The following ZNF362 variants were observed in gnomAD, a reference collection of about 807,000 sequenced individuals.
The protein encoded by ZNF362 is rotund homolog.
In ZNF362, 11 loss-of-function variants were observed where a neutral mutation model predicts 42.9. The ratio of observed to expected loss-of-function variants is 0.26; its 90% CI spans 0.16 to 0.42. The LOEUF (loss-of-function observed/expected upper bound fraction) is 0.42. ZNF362 is among the 20% of genes least tolerant of loss of function. The pLI is 1.00. For synonymous variants in ZNF362, 255 were observed against 257.3 expected (o/e 0.99, Z 0.09); for missense variants, 362 against 576.2 (o/e 0.63, Z 3.81).
At chr1:33,207,867 T>G in the ZNF362 span, among the ~76,000 whole-genome samples, 3 of 152,318 alleles carry the variant, frequency 2.0e-5, no homozygotes, top group Non-Finnish European at 4.4e-5. Flanking sequence ...GATGGATAGA[T>G]TGCAAAAATT....
At chr1:33,200,053 A>G in the ZNF362 span, 6 of 151,314 alleles carry the variant, frequency 4.0e-5, no homozygotes, top group East Asian at 9.6e-4. Flanking sequence ...AAAACAAAAC[A>G]AAAAAACCAG....
chr1:33,152,573 G>GAAAAAAAAAAAAAAAAAAAA, the ZNF362 span, among the ~76,000 whole-genome samples: 1 of 102,822 alleles, frequency 9.7e-6, no homozygotes, highest in Non-Finnish European at 2.0e-5. Context: ...GTCTCAAAAA[G>GAAAAAAAAAAAAAAAAAAAA]AAAAAAAAAA....
chr1:33,189,846 T>A, the ZNF362 span, among the ~76,000 whole-genome samples: 70 of 151,482 alleles, frequency 4.6e-4, no homozygotes, highest in East Asian at 9.5e-3. Context: ...AGTTTACTAA[T>A]CCCAATTAAG....
the ZNF362 span, among the ~76,000 whole-genome samples, chr1:33,223,143 C>A: frequency 6.6e-6 from 1 of 152,018 alleles, no homozygotes; most frequent in Non-Finnish European, 1.5e-5. Flanking sequence ...CCCAGCTACT[C>A]AGGAGGCTGA....
upstream of ZNF362, among the ~76,000 whole-genome samples, chr1:33,254,114 C>A (rs866061483): frequency 1.2e-4 from 1 of 8,660 alleles, no homozygotes; most frequent in Non-Finnish European, 2.4e-4. Flanking sequence ...ATATCTTTTA[C>A]ATTTAGTAGT....
chr1:33,173,763 A>G, the ZNF362 span, among the ~76,000 whole-genome samples: 1 of 151,684 alleles, frequency 6.6e-6, no homozygotes, highest in South Asian at 2.1e-4. Flanking sequence ...CAGTGGTGCA[A>G]TCATAGCTCA....
chr1:33,130,226 G>A, the ZNF362 span, among the ~76,000 whole-genome samples: 1 of 152,194 alleles, frequency 6.6e-6, no homozygotes, highest in Non-Finnish European at 1.5e-5. Flanking sequence ...TCTCTGAGTT[G>A]TCCTTAATGA....
the ZNF362 span, among the ~76,000 whole-genome samples, chr1:33,208,573 T>G: frequency 6.6e-6 from 1 of 152,222 alleles, no homozygotes; most frequent in Non-Finnish European, 1.5e-5. Context: ...CATGGAATGT[T>G]CTTCCATTTG....
the ZNF362 span, among the ~76,000 whole-genome samples, chr1:33,198,692 T>TG: frequency 1.5e-5 from 1 of 68,010 alleles, no homozygotes; most frequent in Non-Finnish European, 3.6e-5. Context: ...GAAAAGTCAA[T>TG]CGTCAATCAA....
At chr1:33,156,466 C>T in the ZNF362 span, among the ~76,000 whole-genome samples, 2 of 152,188 alleles carry the variant, frequency 1.3e-5, no homozygotes, top group African/African-American at 4.8e-5. Flanking sequence ...TAGCCACTCT[C>T]TCCTGGAAAT....
At chr1:33,256,172 T>C (rs527374505), upstream of ZNF362, among the ~76,000 whole-genome samples, 41 of 145,592 alleles carry the variant, frequency 2.8e-4, no homozygotes, top group South Asian at 6.6e-3. Flanking sequence ...TGCCAGGCGG[T>C]GGCGGCGGCG....
chr1:33,160,700 C>T, the ZNF362 span, among the ~76,000 whole-genome samples: 8 of 152,220 alleles, frequency 5.3e-5, no homozygotes, highest in East Asian at 5.8e-4. Flanking sequence ...CCATCGTGCC[C>T]GGCTGAAGTC....
chr1:33,143,045 G>A, the ZNF362 span: 1 of 152,210 alleles, frequency 6.6e-6, no homozygotes, highest in Non-Finnish European at 1.5e-5. Context: ...TAAGGGCTTT[G>A]TTGATCCCTC....
the ZNF362 span, among the ~76,000 whole-genome samples, chr1:33,155,082 G>A: frequency 5.0e-5 from 7 of 139,152 alleles, no homozygotes; most frequent in Admixed American, 2.8e-4. Context: ...GACAGAGCGA[G>A]ACTCCATCTC....
the ZNF362 span, among the ~76,000 whole-genome samples, chr1:33,226,907 G>C: frequency 0.013 from 1,940 of 152,216 alleles, 58 homozygotes; most frequent in African/African-American, 0.045. Context: ...ATTATGCTAA[G>C]TGAAATAAGC....
chr1:33,176,505 G>A, the ZNF362 span: 2 of 670,432 alleles, frequency 3.0e-6, no homozygotes, highest in Non-Finnish European at 5.5e-6. Flanking sequence ...GGAGGGGGCG[G>A]CTGAGACTGA....
In ZNF362 at chr1:33,281,680, C is replaced by G. The variant is rs1645995867; in HGVS notation, c.777C>G (p.His259Gln). 4 of 1,614,268 alleles carry G rather than the reference C, an allele frequency of 2.5e-6. No homozygotes were observed. Among genetic ancestry groups the G allele is most frequent in the Non-Finnish European group, 3.4e-6 (4 of 1,180,046 alleles). ...HTEAKPHKCP[H>Q]CSKSFANASY... ...AGGCCAAGCCCCACAAGTGCCCGCA[C>G]TGCTCCAAGTCCTTTGCCAACGCCT... The change falls in exon 6 of 9, where the codon CAC (histidine) becomes CAG (glutamine). Residue 259 changes from histidine to glutamine, a missense_variant. Physicochemically the swap from His to Gln is conservative, Grantham distance 24 (BLOSUM62 0). Around this residue, in one of 3 missense-constraint regions of ZNF362, gnomAD observed 266 missense variants for 365.4 expected, o/e 0.73. Transcript: ENST00000539719. This position sits in a 1 kb window ranked among gnomAD's most constrained non-coding sequence, Gnocchi z 4.8.
the ZNF362 span, among the ~76,000 whole-genome samples, chr1:33,250,893 A>AAGAAGAAGAAGAAGAAGG: frequency 1.7e-4 from 25 of 150,002 alleles, no homozygotes; most frequent in South Asian, 4.2e-4. Flanking sequence ...GAAGAAGAAG[A>AAGAAGAAGAAGAAGAAGG]AGGAGAAGAA....
chr1:33,247,056 C>T, the ZNF362 span, among the ~76,000 whole-genome samples: 1 of 152,172 alleles, frequency 6.6e-6, no homozygotes, highest in African/African-American at 2.4e-5. Context: ...TTTAATTGTT[C>T]CTGAGCCCTC....
Sources: allele counts gnomAD v4.1 joint callset (sites outside exome capture counted in the v4.1 genomes callset), GRCh38; gene constraint gnomAD v4.1.1; regional missense constraint gnomAD v4.1.1; non-coding constraint Gnocchi (gnomAD v3.1); transcripts MANE v1.5; gene names NCBI Gene and HGNC (gene_info 2026-07-23, HGNC 2026-07-21).